The following GGA1 variants were observed in gnomAD, a reference collection of about 807,000 sequenced individuals.
GGA1 encodes the protein golgi associated, gamma adaptin ear containing, ARF binding protein 1.
Under a neutral mutation model 76.9 loss-of-function variants are expected in GGA1, and 18 were observed. That is an observed-to-expected ratio of 0.23 (90% CI 0.16 to 0.35). The LOEUF is 0.35. Among genes scored for constraint, GGA1 ranks in the 10% least tolerant of loss-of-function variants. The probability of loss-of-function intolerance (pLI) is 1.00; values close to 1 mark genes in which losing one functional copy is unlikely to be tolerated. For missense variants in GGA1, 755 were observed against 859.0 expected, an observed-to-expected ratio of 0.88 and a Z score of 1.51; for synonymous variants, 342 against 354.7, an observed-to-expected ratio of 0.96 and a Z score of 0.40.
At chr22:37,628,458 G>T (rs1403833305) in intron 11 of GGA1, among the ~76,000 whole-genome samples, 1 of 152,210 alleles carries the variant, frequency 6.6e-6, no homozygotes, top group Non-Finnish European at 1.5e-5. Context: ...GCCATGCTCT[G>T]TCTGAGTCCA....
intron 4 of GGA1, chr22:37,619,947 T>A (rs1351675955): frequency 6.1e-6 from 4 of 657,798 alleles, no homozygotes; most frequent in Admixed American, 4.8e-5. Context: ...CAAGGCTAAG[T>A]CCCCAGAGCC....
chr22:37,622,012 T>G (rs577516661), intron 7 of GGA1, among the ~76,000 whole-genome samples: 1 of 152,140 alleles, frequency 6.6e-6, no homozygotes, highest in Admixed American at 6.5e-5. Flanking sequence ...TACTAAGTAT[T>G]TTTAAAATTA....
chr22:37,627,833 A>AGG (rs1491369594), intron 11 of GGA1, among the ~76,000 whole-genome samples: 2 of 152,180 alleles, frequency 1.3e-5, no homozygotes, highest in African/African-American at 4.8e-5. Context: ...GGGGCCACAC[A>AGG]GGGGGCTGGT....
intron 6 of GGA1, 34 bp downstream of exon 6, chr22:37,620,947 G>A (rs1210478295): frequency 7.5e-7 from 1 of 1,333,822 alleles, no homozygotes; most frequent in Non-Finnish European, 1.1e-6. Context: ...TGGGGACTCT[G>A]AGCCCAGGTG....
Position 37,621,648 on chromosome 22 carries a change from C to T in GGA1, c.561C>T (p.Pro187=), listed in dbSNP as rs569212065. 15 of 1,554,334 alleles carry T rather than the reference C, an allele frequency of 9.7e-6. No homozygotes were observed. Among genetic ancestry groups the T allele is most frequent in the South Asian group, 3.6e-5 (3 of 84,186 alleles). The change falls in exon 7 of 17, where the codon CCC becomes CCT. Residue 187 remains proline (P), a synonymous_variant. Transcript: ENST00000343632. Reference sequence around the variant, plus strand: ...CCCGCCTGCTGAAGAGCTCCCATCCCGAAGACCTCCGCGCAGCCAATAAGC... The same window carrying T: ...CCCGCCTGCTGAAGAGCTCCCATCCTGAAGACCTCCGCGCAGCCAATAAGC... The part of the protein sequence containing the change: ...MLARLLKSSH[P]EDLRAANKLI...
intron 2 of GGA1, among the ~76,000 whole-genome samples, chr22:37,615,430 C>T (rs1333006271): frequency 6.7e-6 from 1 of 150,226 alleles, no homozygotes; most frequent in Non-Finnish European, 1.5e-5. Context: ...GCCTGGGCGA[C>T]GGAGTGAAAC....
At chr22:37,613,688 C>G (rs1052287922) in intron 1 of GGA1, among the ~76,000 whole-genome samples, 5 of 151,790 alleles carry the variant, frequency 3.3e-5, no homozygotes, top group Admixed American at 2.6e-4. Flanking sequence ...CATGAGCCAC[C>G]GTGCCTGGCC....
Position 37,632,469 on chromosome 22 carries a change from A to C in GGA1, c.1763A>C (p.His588Pro), listed in dbSNP as rs1240101021. 1 of 1,613,822 alleles carries C rather than the reference A, an allele frequency of 6.2e-7. No homozygotes were observed. Among genetic ancestry groups the C allele is most frequent in the East Asian group, 2.2e-5 (1 of 44,854 alleles). The part of the protein sequence containing the change: ...TELPAFNPIV[H>P]PSAITQVLLL... ...CTGCCAGCTTTTAACCCCATCGTCCACCCCTCAGCAATCACCCAGGTCCTG... is the reference window on the plus strand; with the variant it reads ...CTGCCAGCTTTTAACCCCATCGTCCCCCCCTCAGCAATCACCCAGGTCCTG... The change falls in exon 16 of 17, where the codon CAC becomes CCC. Residue 588 changes from histidine to proline, a missense_variant. Transcript: ENST00000343632. The surrounding 1 kb of genome is among the most constrained non-coding windows in gnomAD (Gnocchi z 5.1).
chr22:37,625,199 G>A lies in GGA1; in HGVS notation c.940+123G>A. 1.2e-6 allele frequency: 1 copy of A among 840,152 alleles called. No individual in the cohort carries two copies. The highest frequency in any genetic ancestry group is 1.9e-6 in the Non-Finnish European group (1 of 532,086). 52.0% of individuals were successfully genotyped at this position (840,152 alleles called of 1,614,324 possible). ...TGCCAGGGTGACCCTGGCCCCTTAA[G>A]ATGGGGAAGGCCCCAGGGAGGGAGC... On this transcript the variant is annotated intron_variant, in intron 10 of 16. Transcript: ENST00000343632. This position sits in a 1 kb window ranked among gnomAD's most constrained non-coding sequence, Gnocchi z 4.1.
chr22:37,613,892 A>T (rs1270440361), intron 1 of GGA1: 1 of 374,796 alleles, frequency 2.7e-6, no homozygotes, highest in East Asian at 5.5e-5. Flanking sequence ...GCAGAATCAG[A>T]GGAGGTGGGG....
At chr22:37,613,243 A>T in intron 1 of GGA1, 1 of 844,988 alleles carries the variant, frequency 1.2e-6, no homozygotes, top group African/African-American at 1.8e-5. Context: ...TCGTGTGGTT[A>T]CCCGCATCTT....
At chr22:37,631,196 C>A in intron 14 of GGA1, 97 bp downstream of exon 14, 1 of 1,012,262 alleles carries the variant, frequency 9.9e-7, no homozygotes, top group Non-Finnish European at 1.4e-6. Context: ...CAGGGCTCCC[C>A]TGGCTCTGCC....
At chr22:37,612,266 C>T (rs1246447941) in intron 1 of GGA1, among the ~76,000 whole-genome samples, 1 of 150,700 alleles carries the variant, frequency 6.6e-6, no homozygotes, top group African/African-American at 2.4e-5. Flanking sequence ...AGATCAAGAC[C>T]ATCCTGGCTA....
chr22:37,622,790 G>A (rs915682024), intron 7 of GGA1, among the ~76,000 whole-genome samples: 2 of 152,212 alleles, frequency 1.3e-5, no homozygotes, highest in African/African-American at 2.4e-5. Context: ...TGCAAAGGAG[G>A]GGCACGCACA....
In GGA1 at chr22:37,632,132, C is replaced by T. The variant is rs1419126682; in HGVS notation, c.1665C>T (p.Ile555=). Reference sequence around the variant, plus strand: ...TGCTGAGCACCGCCCCCCAGCCCATCCGCAACATCGTGTTCCAGTCAGCTG... The same window carrying T: ...TGCTGAGCACCGCCCCCCAGCCCATTCGCAACATCGTGTTCCAGTCAGCTG... ...VSMLSTAPQP[I]RNIVFQSAVP... is the part of the protein sequence containing the mutation. Residue 555 remains isoleucine, a synonymous_variant, in exon 15 of 17, where the codon ATC becomes ATT. Transcript: ENST00000343632. This position sits in a 1 kb window ranked among gnomAD's most constrained non-coding sequence, Gnocchi z 5.1. 1.9e-6 allele frequency: 3 copies of T among 1,613,606 alleles called. No homozygotes were observed. Among genetic ancestry groups the T allele is most frequent in the Non-Finnish European group, 2.5e-6 (3 of 1,179,828 alleles).
At chr22:37,627,472 C>G (rs1293499087) in intron 11 of GGA1, among the ~76,000 whole-genome samples, 2 of 152,106 alleles carry the variant, frequency 1.3e-5, no homozygotes, top group Admixed American at 6.5e-5. Context: ...CAAGGGTGAC[C>G]GCAGGGAGAG....
rs367881792 is a variant in GGA1, at chr22:37,625,752, C to G, written c.941-45C>G. 6.8e-7 allele frequency: 1 copy of G among 1,462,248 alleles called. No individual in the cohort carries two copies. Among genetic ancestry groups the G allele is most frequent in the Non-Finnish European group, 9.2e-7 (1 of 1,087,286 alleles). 90.6% of individuals were successfully genotyped at this position (1,462,248 alleles called of 1,614,324 possible). ...CGCAACCCCTGTGGACTCTGAGAGA[C>G]ACGTGTACACCCAGGACTTGCCAGC... is the stretch of plus-strand genomic sequence containing the variant. On this transcript the variant is annotated intron_variant, in intron 10 of 16. Transcript: ENST00000343632. The surrounding 1 kb of genome is among the most constrained non-coding windows in gnomAD (Gnocchi z 4.1).
At chr22:37,620,587 T>C (rs371782069) in intron 5 of GGA1, among the ~76,000 whole-genome samples, 8 of 152,216 alleles carry the variant, frequency 5.3e-5, no homozygotes, top group African/African-American at 1.9e-4. Flanking sequence ...CAAAGAGTGG[T>C]CTCCAGGGAG....
chr22:37,609,049 C>T (rs996027571), intron 1 of GGA1, 146 bp downstream of exon 1: 3 of 1,477,870 alleles, frequency 2.0e-6, no homozygotes, highest in South Asian at 1.3e-5. Flanking sequence ...CAGTCGGCCC[C>T]TCAGACCCTG....
Sources: gnomAD v4.1 joint callset for allele counts (sites outside exome capture counted in the v4.1 genomes callset) on GRCh38, gnomAD v4.1.1 for gene constraint, Gnocchi (gnomAD v3.1) non-coding constraint, MANE v1.5 for transcripts, NCBI Gene and HGNC (gene_info 2026-07-23, HGNC 2026-07-21) for gene names.